HFM1: variants seen among roughly 807,000 people sequenced by gnomAD.
The protein encoded by HFM1 is probable ATP-dependent DNA helicase HFM1.
Under a neutral mutation model 192.1 loss-of-function variants are expected in HFM1, and 169 were observed. The observed-to-expected ratio is 0.88, with a 90% confidence interval of 0.78 to 1.00. The LOEUF (loss-of-function observed/expected upper bound fraction) is 1.00. Ranked by LOEUF, HFM1 falls within the 50% of genes least tolerant of loss-of-function variation. The pLI is 0.00. For synonymous variants in HFM1, 525 were observed against 537.8 expected, an observed-to-expected ratio of 0.98 and a Z score of 0.33; for missense variants, 1,661 against 1,668.0, an observed-to-expected ratio of 1.00 and a Z score of 0.07.
At chr1:91,397,780 C>T (rs181970078) in intron 2 of HFM1, among the ~76,000 whole-genome samples, 25 of 152,302 alleles carry the variant, frequency 1.6e-4, no homozygotes, top group Admixed American at 4.6e-4. Flanking sequence ...CCAAGGAAAA[C>T]CAGGCATGAG....
chr1:91,305,789 A>G (rs1271580768), intron 30 of HFM1, among the ~76,000 whole-genome samples: 7 of 151,928 alleles, frequency 4.6e-5, no homozygotes, highest in African/African-American at 1.7e-4. Flanking sequence ...GCTTGTCTTG[A>G]ACTCCTGGAC....
At chr1:91,354,098 C>A (rs1657384730) in intron 13 of HFM1, among the ~76,000 whole-genome samples, 1 of 151,440 alleles carries the variant, frequency 6.6e-6, no homozygotes, top group Non-Finnish European at 1.5e-5. Context: ...ATAGACAGGT[C>A]AATGAAATCA....
intron 18 of HFM1, among the ~76,000 whole-genome samples, chr1:91,350,245 G>A (rs910720323): frequency 6.6e-6 from 1 of 152,058 alleles, no homozygotes; most frequent in Non-Finnish European, 1.5e-5. Context: ...ACCCCAAGTT[G>A]AATGAATGAG....
rs569371090 is a variant in HFM1, at chr1:91,292,491, A to C, written c.3392-15429T>G. Among the ~76,000 whole-genome samples, 79 of 151,474 alleles carry C rather than the reference A, an allele frequency of 5.2e-4. 1 individual carries two copies. Among genetic ancestry groups the C allele is most frequent in the African/African-American group, 1.8e-3 (76 of 41,232 alleles). On this transcript the variant is annotated intron_variant, in intron 30 of 38. Transcript: ENST00000370425. ...AATAAAATACCTAGGAATCCAACTTACAAGGGATGTGAAGGACCTCTTCAA... is the reference window on the plus strand; with the variant it reads ...AATAAAATACCTAGGAATCCAACTTCCAAGGGATGTGAAGGACCTCTTCAA...
upstream of HFM1, among the ~76,000 whole-genome samples, chr1:91,406,995 A>C (rs1309898631): frequency 6.6e-6 from 1 of 152,188 alleles, no homozygotes; most frequent in African/African-American, 2.4e-5. Context: ...CCCAGCTCCC[A>C]CTAGAAGGCG....
intron 13 of HFM1, among the ~76,000 whole-genome samples, chr1:91,371,983 A>C (rs1660278007): frequency 6.6e-6 from 1 of 152,244 alleles, no homozygotes; most frequent in Non-Finnish European, 1.5e-5. Context: ...AGACACATGA[A>C]AAAATGCTCA....
chr1:91,350,804 T>A lies in HFM1; in HGVS notation c.2140A>T (p.Ile714Phe), dbSNP rs1245704703. ...IVLHTITDVN[I>F]AVEWIRSTLL... ...GTTGATCGTATCCATTCCACAGCAA[T>A]ATTCACATCCGTGATGGTATGCAGT... The change falls in exon 18 of 39, where the codon ATT (isoleucine) becomes TTT (phenylalanine). Residue 714 changes from isoleucine (I) to phenylalanine (F), a missense_variant. Transcript: ENST00000370425. 1.2e-6 allele frequency: 2 copies of A among 1,609,866 alleles called. No individual in the cohort carries two copies. Among genetic ancestry groups the A allele is most frequent in the Non-Finnish European group, 1.7e-6 (2 of 1,177,078 alleles).
At chr1:91,352,680 G>T in intron 15 of HFM1, 29 bp from the exon 16 acceptor site, 2 of 1,532,426 alleles carry the variant, frequency 1.3e-6, no homozygotes, top group Non-Finnish European at 1.8e-6. Context: ...TAGTAATTTT[G>T]AGCCATTTAA....
upstream of HFM1, among the ~76,000 whole-genome samples, chr1:91,406,821 G>A (rs775388770): frequency 4.1e-4 from 62 of 152,182 alleles, no homozygotes; most frequent in Non-Finnish European, 5.3e-4. Context: ...ATGATCCTAA[G>A]GGCAAACAGC....
chr1:91,355,167 T>C (rs550391799), intron 13 of HFM1, among the ~76,000 whole-genome samples: 15 of 152,076 alleles, frequency 9.9e-5, no homozygotes, highest in Non-Finnish European at 1.9e-4. Context: ...AACTCTAAGA[T>C]ATTTTACGTA....
At chr1:91,400,659 C>T (rs933273893) in intron 2 of HFM1, among the ~76,000 whole-genome samples, 57 of 152,010 alleles carry the variant, frequency 3.7e-4, no homozygotes, top group African/African-American at 1.3e-3. Context: ...TTTTTTTGTG[C>T]TTTTAGTAGA....
At chr1:91,352,228 TAA>T (rs778340523) in intron 16 of HFM1, among the ~76,000 whole-genome samples, 8 of 132,442 alleles carry the variant, frequency 6.0e-5, no homozygotes, top group Admixed American at 7.7e-5. Flanking sequence ...ATTCAGAATT[TAA>T]AAAAAAAAAA....
intron 30 of HFM1, among the ~76,000 whole-genome samples, chr1:91,289,054 C>A (rs1395124988): frequency 1.3e-5 from 2 of 151,668 alleles, no homozygotes; most frequent in South Asian, 2.1e-4. Context: ...GGCTGCCCCC[C>A]ACCTCCCGGA....
At chr1:91,401,407 A>C (rs1038191532) in intron 1 of HFM1, among the ~76,000 whole-genome samples, 3 of 152,342 alleles carry the variant, frequency 2.0e-5, no homozygotes, top group South Asian at 2.1e-4. Context: ...GTTATAGGTC[A>C]AATGTCATTT....
chr1:91,373,865 T>A (rs1660574127), intron 13 of HFM1, among the ~76,000 whole-genome samples: 1 of 152,070 alleles, frequency 6.6e-6, no homozygotes, highest in African/African-American at 2.4e-5. Context: ...AATGACCTAA[T>A]ACACCTGCTA....
At chr1:91,329,575 T>G in intron 20 of HFM1, 1 of 1,205,764 alleles carries the variant, frequency 8.3e-7, no homozygotes, top group South Asian at 1.6e-5. Context: ...CTTGTACCCT[T>G]AAGAGCTACA....
intron 2 of HFM1, among the ~76,000 whole-genome samples, chr1:91,398,024 A>C (rs544960416): frequency 1.3e-5 from 2 of 152,224 alleles, no homozygotes; most frequent in Non-Finnish European, 2.9e-5. Flanking sequence ...TATTTGTATA[A>C]ACAGTTTACA....
Position 91,379,187 on chromosome 1 carries a change from T to C in HFM1, c.1034A>G (p.Gln345Arg), listed in dbSNP as rs755412600. ...TTTTTCTTTCCAGTCATCAAAACGC[T>C]GACTGCACAAGGCTTTTATTGGTGC... is the stretch of plus-strand genomic sequence containing the variant. ...YMAPIKALCS[Q>R]RFDDWKEKFG... Residue 345 changes from glutamine to arginine, a missense_variant, in exon 9 of 39, where the codon CAG (glutamine) becomes CGG (arginine). Coordinates refer to ENST00000370425, the MANE Select transcript of HFM1 (RefSeq NM_001017975.6). 6.2e-7 allele frequency: 1 copy of C among 1,609,558 alleles called. No individual in the cohort carries two copies. Among genetic ancestry groups the C allele is most frequent in the Admixed American group, 1.7e-5 (1 of 59,214 alleles).
intron 13 of HFM1, among the ~76,000 whole-genome samples, chr1:91,356,424 G>A (rs553290195): frequency 2.0e-5 from 3 of 151,922 alleles, no homozygotes; most frequent in Non-Finnish European, 2.9e-5. Flanking sequence ...TGTATTTTTA[G>A]TAGAGACATG....
Sources: allele counts gnomAD v4.1 joint callset (sites outside exome capture counted in the v4.1 genomes callset), GRCh38; gene constraint gnomAD v4.1.1; transcripts MANE v1.5; gene names NCBI Gene and HGNC (gene_info 2026-07-23, HGNC 2026-07-21).